The following MLLT3 variants were observed in gnomAD, a reference collection of about 807,000 sequenced individuals.
MLLT3 encodes MLLT3 super elongation complex subunit.
MLLT3 carries 4 observed loss-of-function variants against 53.2 expected under a neutral mutation model. The ratio of observed to expected loss-of-function variants is 0.08; its 90% confidence interval spans 0.04 to 0.17. The LOEUF is 0.17. Among genes scored for constraint, MLLT3 ranks in the 10% least tolerant of loss-of-function variants. The pLI is 1.00. For missense variants in MLLT3, 569 were observed against 684.0 expected (o/e 0.83, Z 1.87); for synonymous variants, 283 against 230.6 (o/e 1.23, Z -2.06).
intron 4 of MLLT3, among the ~76,000 whole-genome samples, chr9:20,428,026 G>T (rs995635613): frequency 9.2e-5 from 14 of 151,972 alleles, no homozygotes; most frequent in African/African-American, 3.4e-4. Context: ...TTCCAACTTT[G>T]CAATAACTGA....
intron 2 of MLLT3, among the ~76,000 whole-genome samples, chr9:20,577,362 GT>G (rs1563826467): frequency 2.0e-5 from 3 of 152,096 alleles, no homozygotes; most frequent in African/African-American, 7.2e-5. Context: ...ACATAATAAA[GT>G]TTGATCCAGG....
chr9:20,366,829 T>C (rs550337169), intron 5 of MLLT3, among the ~76,000 whole-genome samples: 109 of 152,342 alleles, frequency 7.2e-4, no homozygotes, highest in African/African-American at 2.5e-3. Context: ...AAAAAGCTCA[T>C]CATTACTGGT....
chr9:20,440,366 T>C (rs1344423737), intron 4 of MLLT3, among the ~76,000 whole-genome samples: 1 of 152,112 alleles, frequency 6.6e-6, no homozygotes, highest in African/African-American at 2.4e-5. Flanking sequence ...CTACTTCGAG[T>C]CTCAGACATT....
At chr9:20,518,258 A>C (rs1817967744) in intron 2 of MLLT3, among the ~76,000 whole-genome samples, 2 of 152,050 alleles carry the variant, frequency 1.3e-5, no homozygotes, top group South Asian at 4.1e-4. Flanking sequence ...GGCAGGAGAA[A>C]TCACTTGAAC....
chr9:20,352,173 C>G (rs1821044821), intron 10 of MLLT3, among the ~76,000 whole-genome samples: 1 of 152,200 alleles, frequency 6.6e-6, no homozygotes, highest in East Asian at 1.9e-4. Flanking sequence ...GCCTAGTATC[C>G]TTGACTAACT....
intron 4 of MLLT3, among the ~76,000 whole-genome samples, chr9:20,427,780 T>TTTTAGGAA (rs1823173301): frequency 6.6e-6 from 1 of 151,966 alleles, no homozygotes; most frequent in South Asian, 2.1e-4. Context: ...GCTGTTAAAT[T>TTTTAGGAA]TTTAGGAATT....
intron 6 of MLLT3, among the ~76,000 whole-genome samples, chr9:20,365,324 GT>G (rs147890170): frequency 4.0e-5 from 6 of 151,118 alleles, no homozygotes; most frequent in Non-Finnish European, 8.9e-5. Context: ...CATTAAGATG[GT>G]TTTTTTTTGT....
intron 5 of MLLT3, among the ~76,000 whole-genome samples, chr9:20,393,252 T>C (rs1296877374): frequency 6.6e-6 from 1 of 152,184 alleles, no homozygotes; most frequent in Non-Finnish European, 1.5e-5. Context: ...AATAACCAGG[T>C]AGGACCTAGT....
At chr9:20,522,789 C>T (rs1818096842) in intron 2 of MLLT3, among the ~76,000 whole-genome samples, 1 of 151,976 alleles carries the variant, frequency 6.6e-6, no homozygotes, top group Admixed American at 6.6e-5. Flanking sequence ...ACAAAGGGCC[C>T]AGTGCAGTAG....
intron 2 of MLLT3, among the ~76,000 whole-genome samples, chr9:20,554,781 G>A (rs971772553): frequency 6.6e-6 from 1 of 152,096 alleles, no homozygotes; most frequent in South Asian, 2.1e-4. Flanking sequence ...TCCGAAACCT[G>A]GCTTTTTGCT....
At chr9:20,380,643 G>C (rs186187960) in intron 5 of MLLT3, among the ~76,000 whole-genome samples, 1 of 151,904 alleles carries the variant, frequency 6.6e-6, no homozygotes, top group Non-Finnish European at 1.5e-5. Context: ...TGTAGTAAAG[G>C]CTGCTTATTA....
intron 4 of MLLT3, among the ~76,000 whole-genome samples, chr9:20,415,117 C>T (rs1822839488): frequency 6.6e-6 from 1 of 151,984 alleles, no homozygotes; most frequent in Non-Finnish European, 1.5e-5. Flanking sequence ...CATAAAACCC[C>T]CCCAAAAGAA....
chr9:20,587,915 C>T (rs1458462453), intron 2 of MLLT3, among the ~76,000 whole-genome samples: 1 of 151,902 alleles, frequency 6.6e-6, no homozygotes, highest in Non-Finnish European at 1.5e-5. Flanking sequence ...AAGTCCTTGC[C>T]CATGCCTATG....
At chr9:20,436,455 CAACCAGTG>C (rs1823406600) in intron 4 of MLLT3, among the ~76,000 whole-genome samples, 1 of 152,128 alleles carries the variant, frequency 6.6e-6, no homozygotes, top group Non-Finnish European at 1.5e-5. Context: ...CCGTTGCTGC[CAACCAGTG>C]AACTGCTTCA....
In MLLT3 at chr9:20,346,163, GTT is replaced by G. The variant is rs1820860473; in HGVS notation, c.*278_*279del. 2.9e-6 allele frequency: 1 copy of G among 348,680 alleles called. No individual in the cohort carries two copies. Among genetic ancestry groups the G allele is most frequent in the Non-Finnish European group, 5.2e-6 (1 of 190,764 alleles). The allele number at this position is 348,680 out of a possible 1,614,324, so 21.6% of individuals were successfully genotyped here. A position where few individuals can be genotyped will look rare whatever the true frequency, so the allele number is the denominator to read the frequency against. ...TTCTTGTGTTGTGTTTGATTTGTTT[GTT>G]TTCAAGGCTATCCAGGCTAACTCTT... is the stretch of plus-strand genomic sequence containing the variant. On this transcript the variant is annotated 3_prime_UTR_variant, in exon 11 of 11. Coordinates refer to ENST00000380338, the MANE Select transcript of MLLT3 (RefSeq NM_004529.4).
At chr9:20,567,471 T>A (rs889823095) in intron 2 of MLLT3, among the ~76,000 whole-genome samples, 3 of 152,148 alleles carry the variant, frequency 2.0e-5, no homozygotes, top group African/African-American at 7.2e-5. Flanking sequence ...AAACATAAAA[T>A]GGCACAGGAA....
At chr9:20,382,468 G>A (rs1000201025) in intron 5 of MLLT3, 1 of 151,890 alleles carries the variant, frequency 6.6e-6, no homozygotes, top group Non-Finnish European at 1.5e-5. Context: ...GAGCTGTTAA[G>A]AATGATCTTC....
intron 2 of MLLT3, among the ~76,000 whole-genome samples, chr9:20,576,284 A>C (rs1191447916): frequency 1.3e-5 from 2 of 152,158 alleles, no homozygotes; most frequent in African/African-American, 4.8e-5. Flanking sequence ...AGACCACTAA[A>C]ACTTTCTCCA....
chr9:20,584,179 G>A (rs969862854), intron 2 of MLLT3, among the ~76,000 whole-genome samples: 3 of 152,146 alleles, frequency 2.0e-5, no homozygotes, highest in Admixed American at 6.5e-5. Flanking sequence ...CTGCTAAAAC[G>A]TAACAAGAGT....
Sources: gnomAD v4.1 joint callset for allele counts (sites outside exome capture counted in the v4.1 genomes callset) on GRCh38, gnomAD v4.1.1 for gene constraint, MANE v1.5 for transcripts, NCBI Gene and HGNC (gene_info 2026-07-23, HGNC 2026-07-21) for gene names.